CWF19L1: variants seen among roughly 807,000 people sequenced by gnomAD.
CWF19L1 encodes CWF19-like protein 1.
A neutral mutation model predicts 69.7 loss-of-function variants in CWF19L1; 60 were observed. The ratio of observed to expected loss-of-function variants is 0.86; its 90% CI spans 0.70 to 1.07. The LOEUF (loss-of-function observed/expected upper bound fraction) is 1.07. Among genes scored for constraint, CWF19L1 ranks in the 50% least tolerant of loss-of-function variants. The pLI is 0.00. For synonymous variants in CWF19L1, 209 were observed against 222.2 expected, an observed-to-expected ratio of 0.94 and a Z score of 0.53; for missense variants, 591 against 638.9, an observed-to-expected ratio of 0.92 and a Z score of 0.81.
At chr10:100,256,615 T>C in intron 4 of CWF19L1, 139 bp from the exon 5 acceptor site, 1 of 660,886 alleles carries the variant, frequency 1.5e-6, no homozygotes, top group Non-Finnish European at 2.7e-6. Context: ...AGCAGCTCCC[T>C]TCTGGCTGCT....
intron 10 of CWF19L1, among the ~76,000 whole-genome samples, chr10:100,239,361 C>T (rs1171124710): frequency 6.6e-6 from 1 of 152,190 alleles, no homozygotes; most frequent in Non-Finnish European, 1.5e-5. Context: ...ATTATCCAGA[C>T]CGGGTGCGTT....
intron 4 of CWF19L1, among the ~76,000 whole-genome samples, chr10:100,258,083 A>G (rs994021643): frequency 2.0e-5 from 3 of 152,108 alleles, no homozygotes; most frequent in Non-Finnish European, 1.5e-5. Flanking sequence ...ACTAAAAAAT[A>G]CAAAATTAGC....
intron 6 of CWF19L1, among the ~76,000 whole-genome samples, chr10:100,252,116 C>G (rs1169851180): frequency 1.3e-5 from 2 of 152,142 alleles, no homozygotes; most frequent in Non-Finnish European, 2.9e-5. Context: ...TAGGGATAAT[C>G]CATGCCCTTT....
rs371094285 is a variant in CWF19L1 at position 100,264,341 on chromosome 10, C to T, written c.24-2278G>A. On this transcript the variant is annotated intron_variant, in intron 1 of 13. Transcript: ENST00000354105. The stretch of plus-strand genomic sequence containing the variant: ...CGAGCGGATCACAAGGTCAGGAGCT[C>T]GAGACCATCCTGGTTAACACAGTGA... Among the ~76,000 whole-genome samples the T allele has an allele frequency of 1.8e-4, 28 of 152,002 alleles. No individual in the cohort carries two copies. In the East Asian group the frequency reaches 5.1e-3, roughly 27 times the overall value.
chr10:100,250,379 G>A, intron 6 of CWF19L1, 47 bp from the exon 7 acceptor site: 2 of 1,212,846 alleles, frequency 1.6e-6, no homozygotes, highest in Non-Finnish European at 2.4e-6. Context: ...TTTTACTTTT[G>A]ATTTGCAATG....
intron 4 of CWF19L1, among the ~76,000 whole-genome samples, chr10:100,257,109 A>G (rs1265717265): frequency 6.6e-6 from 1 of 152,154 alleles, no homozygotes; most frequent in Non-Finnish European, 1.5e-5. Flanking sequence ...TGTTGCCTTC[A>G]AGACCTTGCT....
At chr10:100,248,176 TG>T (rs1846893075) in intron 7 of CWF19L1, 1 of 628,224 alleles carries the variant, frequency 1.6e-6, no homozygotes, top group Non-Finnish European at 2.9e-6. Context: ...TGCTAAGAAT[TG>T]GGCAAAAAAG....
At chr10:100,255,232 A>C (rs2134310703) in intron 5 of CWF19L1, among the ~76,000 whole-genome samples, 1 of 152,298 alleles carries the variant, frequency 6.6e-6, no homozygotes, top group Non-Finnish European at 1.5e-5. Flanking sequence ...AAAATATTAA[A>C]ATCTGGCCAG....
intron 4 of CWF19L1, among the ~76,000 whole-genome samples, chr10:100,258,225 C>T (rs113104380): frequency 7.4e-4 from 112 of 152,188 alleles, no homozygotes; most frequent in African/African-American, 2.4e-3. Flanking sequence ...GCAACAAGAG[C>T]GAAAGTCCAT....
chr10:100,234,932 C>T (rs983614222), intron 13 of CWF19L1, among the ~76,000 whole-genome samples: 4 of 152,176 alleles, frequency 2.6e-5, no homozygotes, highest in African/African-American at 4.8e-5. Flanking sequence ...TCCAACAGGC[C>T]TGGGTTTGAA....
intron 4 of CWF19L1, 148 bp from the exon 5 acceptor site, chr10:100,256,624 C>T: frequency 4.6e-6 from 3 of 649,450 alleles, no homozygotes. Context: ...CTTCTGGCTG[C>T]TAGGCATCAA....
intron 4 of CWF19L1, among the ~76,000 whole-genome samples, chr10:100,258,400 T>C (rs1449532447): frequency 6.6e-6 from 1 of 152,244 alleles, no homozygotes; most frequent in Non-Finnish European, 1.5e-5. Flanking sequence ...TTAGCTGCTC[T>C]TTCCTTTCCT....
rs1323344382 is a variant in CWF19L1 at position 100,253,460 on chromosome 10, G to A, written c.584C>T (p.Ala195Val). The A allele has an allele frequency of 6.2e-7, 1 of 1,613,704 alleles. No individual in the cohort carries two copies. Among genetic ancestry groups the A allele is most frequent in the African/African-American group, 1.3e-5 (1 of 75,052 alleles). Residue 195 changes from alanine (A) to valine (V), a missense_variant, in exon 6 of 14, where the codon GCT becomes GTT. This residue lies in a region of CWF19L1 where 458 missense variants were observed against 489.3 expected (regional missense o/e 0.94). Transcript: ENST00000354105. The part of the protein sequence containing the change: ...ATGLKPRYHF[A>V]ALEKTYYERL... ...CTCATAATAGGTCTTTTCCAAAGCA[G>A]CAAAATGGTATCTTGGTTTCAAGCC...
rs1177656386 is a variant in CWF19L1, at chr10:100,250,237, T to A, written c.708+11A>T. The A allele has an allele frequency of 6.4e-7, 1 of 1,571,638 alleles. No individual in the cohort carries two copies. Among genetic ancestry groups the A allele is most frequent in the Non-Finnish European group, 8.8e-7 (1 of 1,142,018 alleles). On this transcript the variant is annotated intron_variant, in intron 7 of 13. Transcript: ENST00000354105. ...GAATATCAACCTTCCACCAAATAGG[T>A]AAATCTTTACCTTTTTCTTTTCTGG...
chr10:100,236,976 G>T lies in CWF19L1; in HGVS notation c.1255-7C>A, dbSNP rs185005670. On this transcript the variant is annotated splice_polypyrimidine_tract_variant and splice_region_variant and intron_variant, in intron 11 of 13. Coordinates refer to ENST00000354105, the MANE Select transcript of CWF19L1 (RefSeq NM_018294.6). ...TGATTGGGACAGGAATGACCTGGGG[G>T]TTGGGGAGACAGGAGAAATTCCTTG... 4,733 of 1,566,940 alleles carry T rather than the reference G, an allele frequency of 3.0e-3. 9 individuals are homozygous for T. The highest frequency in any genetic ancestry group is 3.8e-3 in the Non-Finnish European group (4,395 of 1,157,364).
chr10:100,233,778 C>T (rs118013698), intron 13 of CWF19L1, among the ~76,000 whole-genome samples: 1,614 of 149,696 alleles, frequency 0.011, 14 homozygotes, highest in Non-Finnish European at 0.018. Flanking sequence ...ATAAGAACAC[C>T]CACCATACAG....
At chr10:100,263,615 T>C (rs1429191308) in intron 1 of CWF19L1, among the ~76,000 whole-genome samples, 1 of 152,214 alleles carries the variant, frequency 6.6e-6, no homozygotes, top group Admixed American at 6.5e-5. Context: ...GAATTACCAT[T>C]GTCTCTGGGA....
chr10:100,255,413 G>A (rs551393817), intron 5 of CWF19L1, among the ~76,000 whole-genome samples: 2 of 152,004 alleles, frequency 1.3e-5, no homozygotes, highest in Non-Finnish European at 2.9e-5. Context: ...GGGAGGCTGA[G>A]GTGGGCAAAT....
Position 100,267,633 on chromosome 10 carries a change from G to A in CWF19L1, c.-40C>T, listed in dbSNP as rs773172415. Reference sequence around the variant, plus strand: ...TGGGTTGCGACTGCCACCTAAAATTGGGAATGCGAATCCGCGCTCCCCGGA... The same window carrying A: ...TGGGTTGCGACTGCCACCTAAAATTAGGAATGCGAATCCGCGCTCCCCGGA... On this transcript the variant is annotated 5_prime_UTR_variant, in exon 1 of 14. Coordinates refer to ENST00000354105, the MANE Select transcript of CWF19L1 (RefSeq NM_018294.6). The A allele has an allele frequency of 6.2e-6, 10 of 1,613,798 alleles. No homozygotes were observed. Among genetic ancestry groups the A allele is most frequent in the Non-Finnish European group, 7.6e-6 (9 of 1,179,694 alleles).
Sources: allele counts gnomAD v4.1 joint callset (sites outside exome capture counted in the v4.1 genomes callset), GRCh38; gene constraint gnomAD v4.1.1; regional missense constraint gnomAD v4.1.1; transcripts MANE v1.5; gene names NCBI Gene and HGNC (gene_info 2026-07-23, HGNC 2026-07-21).